Variants in CTNNA3 observed in about 807,000 individuals in gnomAD.
CTNNA3 encodes catenin alpha-3.
Under a neutral mutation model 95.7 loss-of-function variants are expected in CTNNA3, and 76 were observed. The ratio of observed to expected loss-of-function variants is 0.79; its 90% CI spans 0.66 to 0.96. The LOEUF is 0.96. Ranked by LOEUF, CTNNA3 falls within the 40% of genes least tolerant of loss-of-function variation. The pLI is 0.00. For synonymous variants in CTNNA3, 431 were observed against 374.4 expected (o/e 1.15, Z -1.74); for missense variants, 1,191 against 1,089.8 (o/e 1.09, Z -1.31).
intron 13 of CTNNA3, among the ~76,000 whole-genome samples, chr10:66,130,818 T>C (rs2133847331): frequency 6.9e-6 from 1 of 144,712 alleles, no homozygotes; most frequent in African/African-American, 2.6e-5. Context: ...ATCGCACCAC[T>C]GCACTCCAGC....
At chr10:66,363,092 C>T (rs4381267) in intron 12 of CTNNA3, among the ~76,000 whole-genome samples, 143,540 of 152,290 alleles carry the variant, frequency 0.94, 68,198 homozygotes, top group East Asian at 1. Context: ...TAGCGATACA[C>T]TTCAACAACA....
intron 6 of CTNNA3, among the ~76,000 whole-genome samples, chr10:67,211,268 GA>G (rs572025128): frequency 0.034 from 4,568 of 136,146 alleles, 204 homozygotes; most frequent in African/African-American, 0.11. Flanking sequence ...AAGTTTTGGA[GA>G]AAAAAAAAAA....
chr10:67,525,158 G>GT (rs11367001), intron 4 of CTNNA3, among the ~76,000 whole-genome samples: 88 of 147,884 alleles, frequency 6.0e-4, no homozygotes, highest in African/African-American at 1.1e-3. Context: ...TTTATCCTGT[G>GT]TTTTTTTTTT....
rs1022406796 is a variant in CTNNA3 at position 67,419,997 on chromosome 10, G to A, written c.579+101845C>T. Among the ~76,000 whole-genome samples the A allele has an allele frequency of 2.0e-5, 3 of 152,132 alleles. 1 individual carries two copies. The South Asian group carries it at 6.2e-4, about 32-fold the overall frequency. On this transcript the variant is annotated intron_variant, in intron 5 of 17. Transcript: ENST00000433211. ...CACCTGAGTAGCTGGGACTATAGGTGCCCACCACCATGCCCAGCTAATTTT... is the reference window on the plus strand; with the variant it reads ...CACCTGAGTAGCTGGGACTATAGGTACCCACCACCATGCCCAGCTAATTTT...
intron 7 of CTNNA3, among the ~76,000 whole-genome samples, chr10:67,038,007 G>T (rs1372032148): frequency 6.6e-6 from 1 of 152,108 alleles, no homozygotes; most frequent in Admixed American, 6.6e-5. Context: ...ATTCATGTAA[G>T]CCATAGGAGA....
At chr10:67,726,081 A>C (rs1225013502) in intron 1 of CTNNA3, among the ~76,000 whole-genome samples, 1 of 120,022 alleles carries the variant, frequency 8.3e-6, no homozygotes, top group African/African-American at 3.2e-5. Context: ...TATTTAAATT[A>C]TATATTATAA....
intron 1 of CTNNA3, among the ~76,000 whole-genome samples, chr10:67,690,981 C>T (rs1032759141): frequency 6.6e-6 from 1 of 152,208 alleles, no homozygotes; most frequent in East Asian, 1.9e-4. Flanking sequence ...CGGCTCACTG[C>T]AACCTCCCTG....
rs571327194 is a variant in CTNNA3 at position 67,301,885 on chromosome 10, C to T, written c.580-82015G>A. Reference sequence around the variant, plus strand: ...TCGGGAGGCTGAGGCAGGAGAATGGCGTGAACCCGGGAGGCGGAGCTTGCA... The same window carrying T: ...TCGGGAGGCTGAGGCAGGAGAATGGTGTGAACCCGGGAGGCGGAGCTTGCA... On this transcript the variant is annotated intron_variant, in intron 5 of 17. Coordinates refer to ENST00000433211, the MANE Select transcript of CTNNA3 (RefSeq NM_013266.4). Among the ~76,000 whole-genome samples the T allele has an allele frequency of 9.2e-5, 14 of 151,826 alleles. No homozygotes were observed. The East Asian group carries it at 2.0e-3, about 21-fold the overall frequency.
chr10:67,742,554 G>C (rs1841346719), intron 1 of CTNNA3, among the ~76,000 whole-genome samples: 1 of 151,086 alleles, frequency 6.6e-6, no homozygotes, highest in South Asian at 2.1e-4. Flanking sequence ...AAGCAGGAAA[G>C]ATCTAAAATT....
At chr10:66,018,590 A>G (rs1249371521) in intron 15 of CTNNA3, among the ~76,000 whole-genome samples, 1 of 152,106 alleles carries the variant, frequency 6.6e-6, no homozygotes, top group African/African-American at 2.4e-5. Context: ...TACATAATCA[A>G]CACTTCTGTT....
chr10:67,429,529 T>C (rs760146833), intron 5 of CTNNA3, among the ~76,000 whole-genome samples: 1 of 152,028 alleles, frequency 6.6e-6, no homozygotes, highest in Admixed American at 6.6e-5. Flanking sequence ...GTTAGCTAAA[T>C]AGAACTCATT....
chr10:66,707,655 A>G (rs1848159576), intron 9 of CTNNA3, among the ~76,000 whole-genome samples: 1 of 152,074 alleles, frequency 6.6e-6, no homozygotes, highest in Non-Finnish European at 1.5e-5. Context: ...TTTAATATTA[A>G]TAGAAAAGAA....
At chr10:66,328,262 T>C (rs1278648710) in intron 12 of CTNNA3, among the ~76,000 whole-genome samples, 1 of 152,156 alleles carries the variant, frequency 6.6e-6, no homozygotes, top group East Asian at 1.9e-4. Flanking sequence ...TGTCATGTTA[T>C]AAATGGCAAA....
chr10:66,385,877 G>C (rs1014416468), intron 11 of CTNNA3, among the ~76,000 whole-genome samples: 1 of 152,172 alleles, frequency 6.6e-6, no homozygotes, highest in Non-Finnish European at 1.5e-5. Context: ...AAAGGCCTTT[G>C]ACAAAATTCA....
At chr10:66,265,856 C>A (rs1037896235) in intron 13 of CTNNA3, among the ~76,000 whole-genome samples, 1 of 152,014 alleles carries the variant, frequency 6.6e-6, no homozygotes, top group East Asian at 1.9e-4. Flanking sequence ...TTTCTTTACT[C>A]CCTGTCTCTT....
intron 14 of CTNNA3, among the ~76,000 whole-genome samples, chr10:66,071,320 C>T (rs968747068): frequency 2.7e-5 from 1 of 36,896 alleles, no homozygotes; most frequent in South Asian, 1.2e-3. Context: ...CTTTTTCAAT[C>T]ACTGCCATCT....
At chr10:67,360,259 G>C (rs1395986075) in intron 5 of CTNNA3, among the ~76,000 whole-genome samples, 1 of 151,966 alleles carries the variant, frequency 6.6e-6, no homozygotes, top group African/African-American at 2.4e-5. Context: ...ACATATGTAA[G>C]TACAGAGCCC....
intron 1 of CTNNA3, among the ~76,000 whole-genome samples, chr10:67,702,327 T>A (rs1841046166): frequency 6.6e-6 from 1 of 152,136 alleles, no homozygotes; most frequent in South Asian, 2.1e-4. Context: ...ATATACATTT[T>A]TTTCAGCACC....
At chr10:66,824,791 A>C (rs534773531) in intron 7 of CTNNA3, among the ~76,000 whole-genome samples, 1 of 152,296 alleles carries the variant, frequency 6.6e-6, no homozygotes, top group South Asian at 2.1e-4. Flanking sequence ...ATCGCCGTCT[A>C]AAGAACCTAA....
Sources: allele counts gnomAD v4.1 joint callset (sites outside exome capture counted in the v4.1 genomes callset), GRCh38; gene constraint gnomAD v4.1.1; transcripts MANE v1.5; gene names NCBI Gene and HGNC (gene_info 2026-07-23, HGNC 2026-07-21).